The following SIPA1L2 variants were observed in gnomAD, a reference collection of about 807,000 sequenced individuals.
SIPA1L2 encodes the protein signal-induced proliferation-associated 1-like protein 2.
SIPA1L2 carries 56 observed loss-of-function variants against 163.9 expected under a neutral mutation model. That is an observed-to-expected ratio of 0.34 (90% CI 0.28 to 0.43). The LOEUF is 0.43. Ranked by LOEUF, SIPA1L2 falls within the 20% of genes least tolerant of loss-of-function variation. SIPA1L2 has a pLI of 1.00. For missense variants in SIPA1L2, 1,974 were observed against 2,193.5 expected (o/e 0.90, Z 2.00); for synonymous variants, 877 against 865.7 (o/e 1.01, Z -0.23).
intron 1 of SIPA1L2, among the ~76,000 whole-genome samples, chr1:232,593,734 A>AC (rs1558291605): frequency 6.5e-4 from 97 of 148,198 alleles, no homozygotes; most frequent in African/African-American, 2.2e-3. Context: ...CGCACACACA[A>AC]AAATAAATAA....
At chr1:232,482,194 T>A (rs902218744) in intron 6 of SIPA1L2, among the ~76,000 whole-genome samples, 1 of 152,232 alleles carries the variant, frequency 6.6e-6, no homozygotes, top group African/African-American at 2.4e-5. Flanking sequence ...GCCTCTGTCA[T>A]CAAAATGCAA....
intron 12 of SIPA1L2, 61 bp downstream of exon 12, chr1:232,443,541 T>C (rs890271763): frequency 3.7e-6 from 5 of 1,363,200 alleles, no homozygotes; most frequent in Middle Eastern, 1.9e-4. Context: ...TAAATGCTTT[T>C]CAATGAGTCA....
At chr1:232,457,303 T>C (rs1367594250) in intron 10 of SIPA1L2, among the ~76,000 whole-genome samples, 1 of 152,204 alleles carries the variant, frequency 6.6e-6, no homozygotes, top group Non-Finnish European at 1.5e-5. Context: ...GGCTCCCATG[T>C]CAAATGATTT....
rs1305270146 is a variant in SIPA1L2 at position 232,572,662 on chromosome 1, C to CAT, written c.-270+1510_-270+1511dup. 4.2e-3 allele frequency among the ~76,000 whole-genome samples: 415 copies of CAT among 99,102 alleles called. 4 individuals are homozygous for CAT. Among genetic ancestry groups the CAT allele is most frequent in the African/African-American group, 0.011 (321 of 29,144 alleles). The allele number at this position is 99,102 out of a possible 152,430, so 65.0% of individuals were successfully genotyped here. A position where few individuals can be genotyped will look rare whatever the true frequency, so the allele number is the denominator to read the frequency against. On this transcript the variant is annotated intron_variant, in intron 2 of 22. Coordinates refer to ENST00000674635, the MANE Select transcript of SIPA1L2 (RefSeq NM_020808.5). The stretch of plus-strand genomic sequence containing the variant: ...CAGTTTAAATGTTTATCGTCAAATA[C>CAT]ATATATATATATATACACACACATA...
intron 3 of SIPA1L2, among the ~76,000 whole-genome samples, chr1:232,506,473 A>G (rs1666736178): frequency 6.6e-6 from 1 of 152,194 alleles, no homozygotes; most frequent in Admixed American, 6.5e-5. Context: ...CTATTTACCA[A>G]GAGTTGACCT....
intron 2 of SIPA1L2, among the ~76,000 whole-genome samples, chr1:232,529,695 A>G (rs888637635): frequency 1.3e-5 from 2 of 152,248 alleles, no homozygotes; most frequent in East Asian, 3.9e-4. Context: ...CAAAACTGGA[A>G]AGCAGCAAGG....
At chr1:232,530,303 A>G (rs552635080) in intron 2 of SIPA1L2, among the ~76,000 whole-genome samples, 1 of 152,218 alleles carries the variant, frequency 6.6e-6, no homozygotes, top group Non-Finnish European at 1.5e-5. Flanking sequence ...TTTAGTAAAG[A>G]CAGGGTTTCA....
intron 2 of SIPA1L2, among the ~76,000 whole-genome samples, chr1:232,542,072 T>C (rs1205119326): frequency 6.6e-6 from 1 of 152,188 alleles, no homozygotes; most frequent in Non-Finnish European, 1.5e-5. Context: ...TATTCAGCAT[T>C]TGTAGTGAAT....
intron 1 of SIPA1L2, among the ~76,000 whole-genome samples, chr1:232,577,676 G>A (rs1467935776): frequency 2.0e-5 from 3 of 152,060 alleles, no homozygotes; most frequent in Admixed American, 2.0e-4. Context: ...ATGACTTTGG[G>A]GTGGGGGCTT....
intron 7 of SIPA1L2, among the ~76,000 whole-genome samples, chr1:232,471,763 T>C (rs1343723956): frequency 1.3e-5 from 2 of 152,204 alleles, no homozygotes; most frequent in Non-Finnish European, 2.9e-5. Context: ...ATTCAATTTG[T>C]ACTCTCTCTC....
At chr1:232,543,206 C>A (rs1657798600) in intron 2 of SIPA1L2, among the ~76,000 whole-genome samples, 1 of 152,226 alleles carries the variant, frequency 6.6e-6, no homozygotes, top group South Asian at 2.1e-4. Flanking sequence ...ACTGTACTTT[C>A]ACCTAGGTCT....
chr1:232,482,146 G>C (rs1385114198), intron 6 of SIPA1L2, among the ~76,000 whole-genome samples: 1 of 152,150 alleles, frequency 6.6e-6, no homozygotes, highest in Non-Finnish European at 1.5e-5. Context: ...CTTGAGCTAA[G>C]GTGCTTAATA....
chr1:232,487,450 T>C (rs560631732), intron 5 of SIPA1L2, among the ~76,000 whole-genome samples: 1 of 152,178 alleles, frequency 6.6e-6, no homozygotes, highest in South Asian at 2.1e-4. Flanking sequence ...ATATCTGGGG[T>C]GAGAGGACAA....
intron 1 of SIPA1L2, among the ~76,000 whole-genome samples, chr1:232,602,083 A>C (rs1176651837): frequency 6.6e-6 from 1 of 152,138 alleles, no homozygotes; most frequent in African/African-American, 2.4e-5. Flanking sequence ...CAAGGCAAGG[A>C]GGGGAAGTCA....
At chr1:232,403,356 C>A in intron 21 of SIPA1L2, 92 bp downstream of exon 21, 2 of 1,502,564 alleles carry the variant, frequency 1.3e-6, no homozygotes, top group South Asian at 2.6e-5. Flanking sequence ...GCAATATGGT[C>A]GCCCGCCTGG....
chr1:232,514,805 C>A lies in SIPA1L2; in HGVS notation c.535G>T (p.Ala179Ser). 6.2e-7 allele frequency: 1 copy of A among 1,614,196 alleles called. No individual in the cohort carries two copies. Among genetic ancestry groups the A allele is most frequent in the Non-Finnish European group, 8.5e-7 (1 of 1,180,038 alleles). ...IDAEDVLDQN[A>S]VNPNTGAALH... ...GCAGCCCCGGTGTTGGGGTTGACTG[C>A]ATTTTGGTCTAAGACATCTTCGGCA... The change falls in exon 3 of 23, where the codon GCA becomes TCA. Residue 179 changes from alanine to serine, a missense_variant. This residue lies in a region of SIPA1L2 where 607 missense variants were observed against 624.0 expected (regional missense o/e 0.97). Coordinates refer to ENST00000674635, the MANE Select transcript of SIPA1L2 (RefSeq NM_020808.5).
At chr1:232,583,108 C>T (rs577016253) in intron 1 of SIPA1L2, among the ~76,000 whole-genome samples, 7 of 152,320 alleles carry the variant, frequency 4.6e-5, no homozygotes, top group African/African-American at 1.7e-4. Flanking sequence ...GTTCTTCCAA[C>T]TTGCCTGGGT....
intron 1 of SIPA1L2, among the ~76,000 whole-genome samples, chr1:232,580,381 A>C (rs116391928): frequency 1.4e-4 from 21 of 152,168 alleles, no homozygotes; most frequent in Non-Finnish European, 2.1e-4. Flanking sequence ...TTTGTGACCT[A>C]TATCTTGCGC....
At chr1:232,523,458 T>G (rs1667546454) in intron 2 of SIPA1L2, among the ~76,000 whole-genome samples, 1 of 152,188 alleles carries the variant, frequency 6.6e-6, no homozygotes, top group Non-Finnish European at 1.5e-5. Flanking sequence ...ATTAATAATT[T>G]AAGCAGAGGC....
Sources: allele counts gnomAD v4.1 joint callset (sites outside exome capture counted in the v4.1 genomes callset), GRCh38; gene constraint gnomAD v4.1.1; regional missense constraint gnomAD v4.1.1; transcripts MANE v1.5; gene names NCBI Gene and HGNC (gene_info 2026-07-23, HGNC 2026-07-21).